Variants in EPB41L4A observed in about 807,000 individuals in gnomAD.
The protein encoded by EPB41L4A is erythrocyte membrane protein band 4.1 like 4A.
Under a neutral mutation model 108.6 loss-of-function variants are expected in EPB41L4A, and 100 were observed. That is an observed-to-expected ratio of 0.92 (90% confidence interval 0.78 to 1.09). The LOEUF (loss-of-function observed/expected upper bound fraction) is 1.09, where lower values mean the gene tolerates loss of function less well. Among genes scored for constraint, EPB41L4A ranks in the 50% least tolerant of loss-of-function variants. The pLI is 0.00. For synonymous variants in EPB41L4A, 319 were observed against 289.0 expected (o/e 1.10, Z -1.05); for missense variants, 1,030 against 842.7 (o/e 1.22, Z -2.75).
intron 1 of EPB41L4A, among the ~76,000 whole-genome samples, chr5:112,359,407 A>G (rs1455661816): frequency 6.6e-6 from 1 of 152,212 alleles, no homozygotes; most frequent in Admixed American, 6.5e-5. Flanking sequence ...GCTGATTTCA[A>G]AAGCTTTTTC....
chr5:112,310,355 T>G (rs1256100081), intron 1 of EPB41L4A, among the ~76,000 whole-genome samples: 1 of 152,204 alleles, frequency 6.6e-6, no homozygotes, highest in African/African-American at 2.4e-5. Flanking sequence ...AAATGCTTTT[T>G]CAAAATGCTC....
chr5:112,305,465 A>G (rs1207928335), intron 2 of EPB41L4A, among the ~76,000 whole-genome samples: 1 of 152,140 alleles, frequency 6.6e-6, no homozygotes, highest in Non-Finnish European at 1.5e-5. Context: ...ATGGGAAACC[A>G]TATTTGGTTT....
intron 18 of EPB41L4A, among the ~76,000 whole-genome samples, chr5:112,179,911 GA>G (rs1159657311): frequency 6.6e-6 from 1 of 152,086 alleles, no homozygotes; most frequent in Non-Finnish European, 1.5e-5. Context: ...AAAATCGTAA[GA>G]AACTGCCCCC....
intron 13 of EPB41L4A, among the ~76,000 whole-genome samples, 158 bp downstream of exon 13, chr5:112,209,734 T>G (rs945442964): frequency 6.6e-6 from 1 of 152,242 alleles, no homozygotes; most frequent in Non-Finnish European, 1.5e-5. Flanking sequence ...ATTTCATTGG[T>G]GTTTTAATGT....
At chr5:112,233,079 C>T (rs1297705529) in intron 12 of EPB41L4A, among the ~76,000 whole-genome samples, 1 of 151,898 alleles carries the variant, frequency 6.6e-6, no homozygotes, top group Non-Finnish European at 1.5e-5. Flanking sequence ...TATCCATCAA[C>T]AGTAGAATGA....
At chr5:112,275,750 AC>A (rs11286740) in intron 3 of EPB41L4A, among the ~76,000 whole-genome samples, 63,132 of 151,542 alleles carry the variant, frequency 0.42, 13,424 homozygotes, top group African/African-American at 0.47. Context: ...AAAACCACCC[AC>A]CTATCATTTC....
intron 18 of EPB41L4A, chr5:112,175,628 G>A (rs1760821454): frequency 6.6e-6 from 1 of 151,798 alleles, no homozygotes; most frequent in Non-Finnish European, 1.5e-5. Flanking sequence ...GTGGTTTACT[G>A]TACATCTGAA....
chr5:112,419,454 C>A (rs750310719), upstream of EPB41L4A: 1 of 361,868 alleles, frequency 2.8e-6, no homozygotes, highest in Non-Finnish European at 5.4e-6. Context: ...TTGGAAAACC[C>A]TGGAAGCGCT....
At chr5:112,202,168 G>A (rs76907032) in intron 15 of EPB41L4A, among the ~76,000 whole-genome samples, 7,069 of 152,258 alleles carry the variant, frequency 0.046, 192 homozygotes, top group South Asian at 0.078. Context: ...GAGAAGTGGG[G>A]GTTCTTTGTT....
chr5:112,273,136 AT>A (rs1313323079), intron 4 of EPB41L4A, among the ~76,000 whole-genome samples: 1 of 152,220 alleles, frequency 6.6e-6, no homozygotes, highest in East Asian at 1.9e-4. Context: ...TAATATATTC[AT>A]GCAAATCAAT....
chr5:112,147,800 G>A (rs749180385), intron 12 of EPB41L4A, among the ~76,000 whole-genome samples: 5 of 151,738 alleles, frequency 3.3e-5, no homozygotes, highest in East Asian at 1.9e-4. Context: ...GGCCTAGCGC[G>A]GTGGCTCACG....
chr5:112,232,305 C>G (rs1749016473), intron 12 of EPB41L4A, among the ~76,000 whole-genome samples: 1 of 152,160 alleles, frequency 6.6e-6, no homozygotes, highest in Non-Finnish European at 1.5e-5. Context: ...AGCGTGTTCT[C>G]TCTCAATGGA....
rs1338332978 is a variant in EPB41L4A, at chr5:112,264,898, T to C, written c.552A>G (p.Leu184=). Residue 184 remains leucine, a splice_region_variant and synonymous_variant, in exon 6 of 23, where the codon CTA becomes CTG. Coordinates refer to ENST00000261486, the MANE Select transcript of EPB41L4A (RefSeq NM_022140.5). The part of the protein sequence containing the change: ...EEAIERIHKT[L]MGQIPSEAEL... ...AGACATGGTGTAATGATTCTTACAT[T>C]AGAGTTTTATGAATCCTTTCTATGG... The C allele has an allele frequency of 1.9e-6, 3 of 1,610,322 alleles. No homozygotes were observed. Among genetic ancestry groups the C allele is most frequent in the Non-Finnish European group, 2.5e-6 (3 of 1,178,956 alleles).
chr5:112,314,529 AAAAAAAAAAG>A (rs1236020753), intron 1 of EPB41L4A, among the ~76,000 whole-genome samples: 8 of 142,214 alleles, frequency 5.6e-5, no homozygotes, highest in South Asian at 2.1e-4. Flanking sequence ...AAAAAAAAAA[AAAAAAAAAAG>A]AAAAGAAATT....
chr5:112,208,313 C>T (rs1762569247), intron 13 of EPB41L4A, among the ~76,000 whole-genome samples: 1 of 148,514 alleles, frequency 6.7e-6, no homozygotes, highest in African/African-American at 2.5e-5. Context: ...ATAGCAAGGA[C>T]ATAGAATCAG....
intron 12 of EPB41L4A, among the ~76,000 whole-genome samples, chr5:112,216,994 C>T (rs896436002): frequency 2.0e-5 from 3 of 150,262 alleles, no homozygotes; most frequent in African/African-American, 7.4e-5. Flanking sequence ...TTTTTTGAGA[C>T]AGAGTCTCGC....
intron 1 of EPB41L4A, among the ~76,000 whole-genome samples, chr5:112,369,840 A>T (rs939712151): frequency 1.1e-4 from 16 of 152,192 alleles, no homozygotes; most frequent in Non-Finnish European, 5.9e-5. Context: ...GAGAAGGCTC[A>T]CTGGCCTCCA....
rs561328868 is a variant in EPB41L4A, at chr5:112,346,216, A to ATTTTTTTTTTTTTTTTTTTTTTTTTTTT, written c.100-38727_100-38726insAAAAAAAAAAAAAAAAAAAAAAAAAAAA. Among the ~76,000 whole-genome samples the ATTTTTTTTTTTTTTTTTTTTTTTTTTTT allele has an allele frequency of 4.5e-5, 3 of 67,346 alleles. 1 individual carries two copies. The highest frequency in any genetic ancestry group is 9.3e-5 in the Non-Finnish European group (3 of 32,334). 44.2% of individuals were successfully genotyped at this position (67,346 alleles called of 152,430 possible). A position where few individuals can be genotyped will look rare whatever the true frequency, so the allele number is the denominator to read the frequency against. On this transcript the variant is annotated intron_variant, in intron 1 of 22. Coordinates refer to ENST00000261486, the MANE Select transcript of EPB41L4A (RefSeq NM_022140.5). ...AATTCTTTAAAGTTAGGTACATTGC[A>ATTTTTTTTTTTTTTTTTTTTTTTTTTTT]TTTTTTTTTTTTTTTTTTTTTTTTT...
At chr5:112,200,884 T>A (rs529717784) in intron 15 of EPB41L4A, among the ~76,000 whole-genome samples, 20 of 152,342 alleles carry the variant, frequency 1.3e-4, no homozygotes, top group African/African-American at 4.3e-4. Context: ...ATAGCTTGTA[T>A]CCACCTCATG....
Sources: gnomAD v4.1 joint callset for allele counts (sites outside exome capture counted in the v4.1 genomes callset) on GRCh38, gnomAD v4.1.1 for gene constraint, MANE v1.5 for transcripts, NCBI Gene and HGNC (gene_info 2026-07-23, HGNC 2026-07-21) for gene names.